WDR4: variants seen among roughly 807,000 people sequenced by gnomAD.
WDR4 encodes the protein tRNA (guanine-N(7)-)-methyltransferase non-catalytic subunit WDR4.
In WDR4, 47 loss-of-function variants were observed where a neutral mutation model predicts 48.6. The observed-to-expected ratio is 0.97, with a 90% CI of 0.77 to 1.23. The LOEUF is 1.23. Among genes scored for constraint, WDR4 ranks in the 50% most tolerant of loss-of-function variants. The pLI, the probability that WDR4 is intolerant of heterozygous loss-of-function variation, is 0.00. For synonymous variants in WDR4, 268 were observed against 230.0 expected, an observed-to-expected ratio of 1.17 and a Z score of -1.49; for missense variants, 606 against 551.6, an observed-to-expected ratio of 1.10 and a Z score of -0.99.
chr21:42,880,598 A>AT (rs1159626078), upstream of WDR4, among the ~76,000 whole-genome samples: 2 of 152,172 alleles, frequency 1.3e-5, no homozygotes, highest in Non-Finnish European at 2.9e-5. Context: ...GCCCTACAAG[A>AT]ATAAGAAGTC....
rs375627962 is a variant in WDR4, at chr21:42,873,840, A to G, written c.156-149T>C. On this transcript the variant is annotated intron_variant, in intron 2 of 10. Transcript: ENST00000398208. Reference sequence around the variant, plus strand: ...CAAAATACAGACATATTAAAGGGACATGGGGAAGTTCAAAACAGCTCTAAT... The same window carrying G: ...CAAAATACAGACATATTAAAGGGACGTGGGGAAGTTCAAAACAGCTCTAAT... 1.2e-5 allele frequency: 11 copies of G among 907,020 alleles called. No homozygotes were observed. In the African/African-American group the frequency reaches 1.5e-4, roughly 13 times the overall value. The allele number at this position is 907,020 out of a possible 1,614,324, so 56.2% of individuals were successfully genotyped here. A position where few individuals can be genotyped will look rare whatever the true frequency, so the allele number is the denominator to read the frequency against.
At chr21:42,850,277 G>A in intron 10 of WDR4, 35 bp from the exon 11 acceptor site, 4 of 1,555,760 alleles carry the variant, frequency 2.6e-6, no homozygotes, top group Non-Finnish European at 3.5e-6. Context: ...TGCCAGGTGG[G>A]GCAGGAACAT....
the WDR4 span, among the ~76,000 whole-genome samples, chr21:42,890,884 T>C: frequency 1.3e-5 from 2 of 152,214 alleles, no homozygotes; most frequent in Admixed American, 1.3e-4. Flanking sequence ...GTCCTTTCTC[T>C]TTGGCCAAAC....
At chr21:42,876,090 T>C (rs1419223925) in intron 2 of WDR4, among the ~76,000 whole-genome samples, 26 of 151,556 alleles carry the variant, frequency 1.7e-4, no homozygotes, top group Non-Finnish European at 5.9e-5. Context: ...TGGCTATTTT[T>C]AGTAGAGATG....
At chr21:42,879,047 C>T in intron 1 of WDR4, 1 of 1,078,470 alleles carries the variant, frequency 9.3e-7, no homozygotes, top group Non-Finnish European at 1.1e-6. Context: ...TCGGCCGGGC[C>T]TTGCTGACTG....
At chr21:42,879,556 C>T, upstream of WDR4, 2 of 1,581,932 alleles carry the variant, frequency 1.3e-6, no homozygotes, top group Admixed American at 1.7e-5. Flanking sequence ...CTGTCCGCAC[C>T]GGTCGGTGAC....
At chr21:42,846,171 T>C (rs1020913403), downstream of WDR4, among the ~76,000 whole-genome samples, 2 of 151,112 alleles carry the variant, frequency 1.3e-5, no homozygotes, top group Non-Finnish European at 2.9e-5. Context: ...TGTTCATCAC[T>C]GCACTATTCC....
At chr21:42,882,927 C>T (rs372739446), upstream of WDR4, among the ~76,000 whole-genome samples, 38 of 152,114 alleles carry the variant, frequency 2.5e-4, no homozygotes, top group South Asian at 4.2e-3. Flanking sequence ...AGTGAAACCC[C>T]GTCTGTACTA....
chr21:42,876,611 C>T, intron 2 of WDR4, 91 bp downstream of exon 2: 1 of 1,243,056 alleles, frequency 8.0e-7, no homozygotes, highest in Non-Finnish European at 1.1e-6. Context: ...GCTAAGAATT[C>T]AGCAAGTAGG....
intron 2 of WDR4, among the ~76,000 whole-genome samples, chr21:42,875,418 G>T (rs1191411169): frequency 6.6e-6 from 1 of 152,176 alleles, no homozygotes; most frequent in Non-Finnish European, 1.5e-5. Context: ...AGCCGGGCAT[G>T]GTGGTGCGTG....
At chr21:42,867,363 C>T (rs1297670113) in intron 3 of WDR4, among the ~76,000 whole-genome samples, 1 of 149,850 alleles carries the variant, frequency 6.7e-6, no homozygotes, top group African/African-American at 2.5e-5. Context: ...TGCACTCCAG[C>T]CTGGGTGACA....
chr21:42,869,916 G>A lies in WDR4; in HGVS notation c.296+3635C>T, dbSNP rs2058332063. 3.9e-5 allele frequency among the ~76,000 whole-genome samples: 6 copies of A among 152,132 alleles called. No individual in the cohort carries two copies. The South Asian group carries it at 1.2e-3, about 32-fold the overall frequency. ...TAATCCCAGCTACTCGGGAGGCTGA[G>A]GCAGGAGAATCACTTGAACCCAGGA... On this transcript the variant is annotated intron_variant, in intron 3 of 10. Coordinates refer to ENST00000398208, the MANE Select transcript of WDR4 (RefSeq NM_018669.6).
At chr21:42,884,499 T>G (rs539841552), upstream of WDR4, among the ~76,000 whole-genome samples, 1 of 151,726 alleles carries the variant, frequency 6.6e-6, no homozygotes, top group East Asian at 1.9e-4. Context: ...ATACAAAAAT[T>G]AGCTGGTCGT....
At chr21:42,856,096 G>C (rs1215045241) in intron 6 of WDR4, among the ~76,000 whole-genome samples, 2 of 152,212 alleles carry the variant, frequency 1.3e-5, no homozygotes, top group African/African-American at 4.8e-5. Flanking sequence ...TCCGCCAGGA[G>C]GCCAGACCAC....
intron 6 of WDR4, 90 bp from the exon 7 acceptor site, chr21:42,855,870 TC>T (rs1162202520): frequency 2.4e-5 from 24 of 1,011,800 alleles, no homozygotes; most frequent in Admixed American, 5.6e-5. Flanking sequence ...TGGTCGGGGT[TC>T]CACTCCGTGA....
intron 4 of WDR4, among the ~76,000 whole-genome samples, chr21:42,863,105 C>G (rs1026551638): frequency 6.6e-6 from 1 of 152,200 alleles, no homozygotes; most frequent in Non-Finnish European, 1.5e-5. Flanking sequence ...CTGACCACCT[C>G]CTGTCTCACT....
At chr21:42,861,267 T>C (rs1343766402) in intron 5 of WDR4, among the ~76,000 whole-genome samples, 5 of 129,120 alleles carry the variant, frequency 3.9e-5, no homozygotes, top group African/African-American at 1.5e-4. Flanking sequence ...TGAGCCAAGA[T>C]CACGCCACTG....
rs1475605201 is a variant in WDR4 at position 42,873,588 on chromosome 21, G to GA, written c.258dup (p.Leu87SerfsTer70). ...CATTGCCATGGTTTTGTACGGAAAA[G>GA]AATCAGACGCTTACTGTCATCGGTT... On this transcript the variant is annotated frameshift_variant, in exon 3 of 11. Transcript: ENST00000398208. LOFTEE classifies it high-confidence loss of function. The GA allele has an allele frequency of 6.2e-7, 1 of 1,614,172 alleles. No individual in the cohort carries two copies. Among genetic ancestry groups the GA allele is most frequent in the Non-Finnish European group, 8.5e-7 (1 of 1,180,040 alleles).
At chr21:42,854,967 TC>T (rs1312569111) in intron 7 of WDR4, among the ~76,000 whole-genome samples, 1 of 151,944 alleles carries the variant, frequency 6.6e-6, no homozygotes, top group Admixed American at 6.6e-5. Context: ...CCCTGTGAGC[TC>T]CCACAGTTCC....
Sources: gnomAD v4.1 joint callset for allele counts (sites outside exome capture counted in the v4.1 genomes callset) on GRCh38, gnomAD v4.1.1 for gene constraint, MANE v1.5 for transcripts, NCBI Gene and HGNC (gene_info 2026-07-23, HGNC 2026-07-21) for gene names.